The following TPD52 variants were observed in gnomAD, a reference collection of about 807,000 sequenced individuals.
TPD52 encodes the protein prostate and colon associated protein.
In TPD52, 17 loss-of-function variants were observed where a neutral mutation model predicts 31.3. The ratio of observed to expected loss-of-function variants is 0.54; its 90% CI spans 0.37 to 0.82. The LOEUF (loss-of-function observed/expected upper bound fraction) is 0.82, where lower values mean the gene tolerates loss of function less well. Ranked by LOEUF, TPD52 falls within the 40% of genes least tolerant of loss-of-function variation. The pLI, the probability that TPD52 is intolerant of heterozygous loss-of-function variation, is 0.00. For synonymous variants in TPD52, 83 were observed against 89.6 expected, an observed-to-expected ratio of 0.93 and a Z score of 0.42; for missense variants, 212 against 240.1, an observed-to-expected ratio of 0.88 and a Z score of 0.77.
At position 80,104,880 on chromosome 8, in the gene TPD52, C is replaced by T. The variant is rs577360533; in HGVS notation, c.20-40287G>A. Among the ~76,000 whole-genome samples the T allele has an allele frequency of 9.3e-4, 141 of 151,444 alleles. 1 individual carries two copies. The highest frequency in any genetic ancestry group is 2.5e-3 in the African/African-American group (102 of 41,304). On this transcript the variant is annotated intron_variant, in intron 1 of 7. Coordinates refer to ENST00000518937, the MANE Select transcript of TPD52 (RefSeq NM_001025253.3). ...CTCAAGACCAGCCTGGGCAACGTGGCGAAACCCCATCTCCACTAAAAATAC... is the reference window on the plus strand; with the variant it reads ...CTCAAGACCAGCCTGGGCAACGTGGTGAAACCCCATCTCCACTAAAAATAC...
intron 1 of TPD52, among the ~76,000 whole-genome samples, chr8:80,163,470 TG>T (rs2131265615): frequency 6.6e-6 from 1 of 152,212 alleles, no homozygotes; most frequent in African/African-American, 2.4e-5. Context: ...GATGGAGGAA[TG>T]GGGAAGTTGG....
At chr8:80,114,948 C>T (rs1320814867) in intron 1 of TPD52, among the ~76,000 whole-genome samples, 1 of 152,172 alleles carries the variant, frequency 6.6e-6, no homozygotes, top group Non-Finnish European at 1.5e-5. Flanking sequence ...GAGTCGTACC[C>T]CTCCACTGAC....
At chr8:80,160,889 C>CAAAAAAAAAAAAAAAAAAAAAAAAA (rs58923055) in intron 1 of TPD52, among the ~76,000 whole-genome samples, 1 of 95,096 alleles carries the variant, frequency 1.1e-5, no homozygotes, top group African/African-American at 4.3e-5. Flanking sequence ...ACTAAAAATA[C>CAAAAAAAAAAAAAAAAAAAAAAAAA]AAAAAAAAAA....
intron 1 of TPD52, among the ~76,000 whole-genome samples, chr8:80,125,766 A>G (rs1383021639): frequency 6.6e-6 from 1 of 152,238 alleles, no homozygotes; most frequent in African/African-American, 2.4e-5. Context: ...AGGAAATATG[A>G]CAATTCAGCT....
At chr8:80,094,428 T>TTTTATATATATA (rs1247205789) in intron 1 of TPD52, among the ~76,000 whole-genome samples, 1 of 69,112 alleles carries the variant, frequency 1.4e-5, no homozygotes, top group Non-Finnish European at 3.0e-5. Context: ...CAAAAGAAAA[T>TTTTATATATATA]TTTATATATA....
At position 80,096,291 on chromosome 8, in the gene TPD52, AACACACACAC is replaced by A. The variant is rs34309218; in HGVS notation, c.20-31708_20-31699del. ...AAAGACTATCAAACACACACACACA[AACACACACAC>A]ACACACACACACACACAAACTTCTC... On this transcript the variant is annotated intron_variant, in intron 1 of 7. Coordinates refer to ENST00000518937, the MANE Select transcript of TPD52 (RefSeq NM_001025253.3). Among the ~76,000 whole-genome samples, 5 of 146,814 alleles carry A rather than the reference AACACACACAC, an allele frequency of 3.4e-5. No homozygotes were observed. In the South Asian group the frequency reaches 6.4e-4, roughly 19 times the overall value.
At chr8:80,145,376 G>C (rs1336363708) in intron 1 of TPD52, among the ~76,000 whole-genome samples, 1 of 152,172 alleles carries the variant, frequency 6.6e-6, no homozygotes, top group Non-Finnish European at 1.5e-5. Context: ...CATGGCAGTT[G>C]CACCACAAAA....
At chr8:80,140,604 G>A (rs540479618) in intron 1 of TPD52, among the ~76,000 whole-genome samples, 1 of 152,272 alleles carries the variant, frequency 6.6e-6, no homozygotes, top group Non-Finnish European at 1.5e-5. Flanking sequence ...CACCCAGAGT[G>A]CAGGACACTC....
chr8:80,099,756 C>T (rs542316538), intron 1 of TPD52, among the ~76,000 whole-genome samples: 1 of 152,284 alleles, frequency 6.6e-6, no homozygotes, highest in Admixed American at 6.5e-5. Context: ...AGTGATCCAC[C>T]CACCTCAGCC....
At chr8:80,051,693 T>C (rs1176112366) in intron 3 of TPD52, 65 bp from the exon 4 acceptor site, 3 of 1,347,000 alleles carry the variant, frequency 2.2e-6, no homozygotes, top group Non-Finnish European at 3.0e-6. Context: ...ATATCAATTG[T>C]TTCAAGTGCA....
rs781396350 is a variant in TPD52 at position 80,038,180 on chromosome 8, G to A, written c.560C>T (p.Ser187Leu). ...GGTGGTGGCACTAGCATTTGCAGCC[G>A]AATTCAAGACTTCTCCAAAATCACC... ...AGGDFGEVLN[S>L]AANASATTTE... Residue 187 changes from serine to leucine, a missense_variant, in exon 8 of 8, where the codon TCG becomes TTG. Physicochemically the swap from Ser to Leu is moderately radical, Grantham distance 145. Coordinates refer to ENST00000518937, the MANE Select transcript of TPD52 (RefSeq NM_001025253.3). 4.3e-5 allele frequency: 69 copies of A among 1,613,928 alleles called. 1 individual carries two copies. In the South Asian group the frequency reaches 5.7e-4, roughly 13 times the overall value.
chr8:80,069,508 TG>T (rs1346854340), intron 1 of TPD52, among the ~76,000 whole-genome samples: 1 of 151,674 alleles, frequency 6.6e-6, no homozygotes, highest in Non-Finnish European at 1.5e-5. Context: ...TTTAGGGGGC[TG>T]GGCATGGTGG....
At chr8:80,085,076 G>T (rs1364066422) in intron 1 of TPD52, among the ~76,000 whole-genome samples, 1 of 152,208 alleles carries the variant, frequency 6.6e-6, no homozygotes, top group Non-Finnish European at 1.5e-5. Context: ...TTGAAAGAAG[G>T]TTGTATTGTA....
At chr8:80,171,365 AG>A in intron 1 of TPD52, 59 bp downstream of exon 1, 1 of 584,316 alleles carries the variant, frequency 1.7e-6, no homozygotes, top group Non-Finnish European at 2.1e-6. Flanking sequence ...GCCGAGCCAA[AG>A]CCCGAGTCCA....
At chr8:80,161,568 A>C (rs1811361045) in intron 1 of TPD52, among the ~76,000 whole-genome samples, 1 of 152,068 alleles carries the variant, frequency 6.6e-6, no homozygotes, top group Non-Finnish European at 1.5e-5. Context: ...TGGATAAACT[A>C]TCATCTTTAT....
intron 2 of TPD52, among the ~76,000 whole-genome samples, chr8:80,060,487 T>C (rs971126866): frequency 2.6e-5 from 4 of 152,062 alleles, no homozygotes; most frequent in Admixed American, 2.0e-4. Flanking sequence ...CAGAAGATGG[T>C]AGAACACTTT....
At chr8:80,098,054 T>A (rs1032570294) in intron 1 of TPD52, among the ~76,000 whole-genome samples, 7 of 152,238 alleles carry the variant, frequency 4.6e-5, no homozygotes, top group African/African-American at 1.7e-4. Context: ...CCCATCTGTT[T>A]ATAATATGGT....
At chr8:80,074,020 A>C (rs1814232909) in intron 1 of TPD52, among the ~76,000 whole-genome samples, 2 of 152,210 alleles carry the variant, frequency 1.3e-5, no homozygotes, top group African/African-American at 4.8e-5. Flanking sequence ...AATGGAGTCT[A>C]AGATATCTGC....
chr8:80,166,288 G>A (rs73252147), intron 1 of TPD52, among the ~76,000 whole-genome samples: 7 of 152,034 alleles, frequency 4.6e-5, no homozygotes, highest in African/African-American at 1.4e-4. Context: ...ACTCCAGCCT[G>A]GGCAAGAGAG....
Sources: allele counts gnomAD v4.1 joint callset (sites outside exome capture counted in the v4.1 genomes callset), GRCh38; gene constraint gnomAD v4.1.1; transcripts MANE v1.5; gene names NCBI Gene and HGNC (gene_info 2026-07-23, HGNC 2026-07-21).